The following KCNN3 variants were observed in gnomAD, a reference collection of about 807,000 sequenced individuals.
KCNN3 encodes potassium calcium-activated channel subfamily N member 3, also known as small conductance calcium-activated potassium channel protein 3.
KCNN3 carries 16 observed loss-of-function variants against 62.9 expected under a neutral mutation model. The observed-to-expected ratio is 0.25, with a 90% CI of 0.17 to 0.39. The LOEUF is 0.39. Ranked by LOEUF, KCNN3 falls within the 10% of genes least tolerant of loss-of-function variation. The pLI, the probability that KCNN3 is intolerant of heterozygous loss-of-function variation, is 1.00. For missense variants in KCNN3, 599 were observed against 949.4 expected (o/e 0.63, Z 4.85); for synonymous variants, 370 against 389.2 (o/e 0.95, Z 0.58).
At position 154,833,550 on chromosome 1, in the gene KCNN3, A is replaced by T. The variant is rs565815320; in HGVS notation, c.934-11366T>A. Among the ~76,000 whole-genome samples the T allele has an allele frequency of 5.3e-5, 8 of 152,280 alleles. No homozygotes were observed. In the South Asian group the frequency reaches 1.4e-3, roughly 28 times the overall value. On this transcript the variant is annotated intron_variant, in intron 1 of 7. Coordinates refer to ENST00000271915, the MANE Select transcript of KCNN3 (RefSeq NM_002249.6). ...TCGACTTAGCTGGAAGAGGCCTTCTAAGCCATCAAGTCTGACTCCCCGATT... is the reference window on the plus strand; with the variant it reads ...TCGACTTAGCTGGAAGAGGCCTTCTTAGCCATCAAGTCTGACTCCCCGATT...
At chr1:154,775,719 C>T (rs1648761436) in intron 2 of KCNN3, among the ~76,000 whole-genome samples, 1 of 152,104 alleles carries the variant, frequency 6.6e-6, no homozygotes, top group Non-Finnish European at 1.5e-5. Flanking sequence ...GAGACTCACC[C>T]TCCTCCTTCC....
intron 1 of KCNN3, among the ~76,000 whole-genome samples, chr1:154,864,183 C>T (rs1200531330): frequency 1.3e-5 from 2 of 152,226 alleles, no homozygotes; most frequent in African/African-American, 4.8e-5. Context: ...CTGCAGGTCA[C>T]CCCACAGGGA....
intron 2 of KCNN3, among the ~76,000 whole-genome samples, chr1:154,819,690 A>T (rs1384557013): frequency 6.6e-6 from 1 of 152,140 alleles, no homozygotes. Context: ...CAAGTGACGG[A>T]GGCTGCAGGG....
chr1:154,828,851 C>A (rs962518293), intron 1 of KCNN3, among the ~76,000 whole-genome samples: 1 of 152,198 alleles, frequency 6.6e-6, no homozygotes, highest in Non-Finnish European at 1.5e-5. Flanking sequence ...CATTTTATGG[C>A]TGCAATAATT....
chr1:154,806,220 G>A (rs778905131), intron 2 of KCNN3, among the ~76,000 whole-genome samples: 6 of 152,210 alleles, frequency 3.9e-5, no homozygotes, highest in Non-Finnish European at 7.3e-5. Flanking sequence ...TGTCAGCAAG[G>A]ACTTTGGAGA....
intron 1 of KCNN3, among the ~76,000 whole-genome samples, chr1:154,839,213 T>G (rs1316568331): frequency 1.3e-5 from 2 of 152,078 alleles, no homozygotes; most frequent in African/African-American, 4.8e-5. Flanking sequence ...CACCATCGAG[T>G]GACCTGCGAT....
At position 154,822,326 on chromosome 1, in the gene KCNN3, G is replaced by C. The variant is rs1226073363; in HGVS notation, c.934-142C>G. The C allele has an allele frequency of 9.5e-5, 68 of 715,204 alleles. 1 individual carries two copies. In the South Asian group the frequency reaches 1.1e-3, roughly 11 times the overall value. 44.3% of individuals were successfully genotyped at this position (715,204 alleles called of 1,614,324 possible). On this transcript the variant is annotated intron_variant, in intron 1 of 7. Coordinates refer to ENST00000271915, the MANE Select transcript of KCNN3 (RefSeq NM_002249.6). ...CTCCTAGGAGCAGGTGTAGCACAAA[G>C]TCAGCCTGAGCCCCACAAAAGCCTT...
chr1:154,846,999 G>A (rs568064842), intron 1 of KCNN3, among the ~76,000 whole-genome samples: 106 of 152,174 alleles, frequency 7.0e-4, no homozygotes, highest in African/African-American at 2.5e-3. Flanking sequence ...GCTAGTAAGC[G>A]GCAGAGCCAG....
intron 3 of KCNN3, among the ~76,000 whole-genome samples, chr1:154,770,627 C>T (rs1648511914): frequency 6.6e-6 from 1 of 152,216 alleles, no homozygotes; most frequent in Admixed American, 6.5e-5. Context: ...CATTCTATCT[C>T]AAGTGATCCT....
intron 1 of KCNN3, among the ~76,000 whole-genome samples, chr1:154,828,851 C>T (rs962518293): frequency 7.2e-5 from 11 of 152,316 alleles, no homozygotes; most frequent in African/African-American, 2.6e-4. Context: ...CATTTTATGG[C>T]TGCAATAATT....
chr1:154,869,723 GGCTGCT>G lies in KCNN3; in HGVS notation c.236_241del (p.Gln79_Gln80del), dbSNP rs3831942. On this transcript the variant is annotated inframe_deletion, in exon 1 of 8. Transcript: ENST00000271915. The surrounding 1 kb of genome is among the most constrained non-coding windows in gnomAD (Gnocchi z 6.1). ...GGCGAGCTGAGACAGGGGATGCGGT[GGCTGCT>G]GCTGCTGCTGCTGCTGCTGCTGCTG... is the stretch of plus-strand genomic sequence containing the variant. The G allele has an allele frequency of 3.2e-3, 4,749 of 1,504,596 alleles. 42 individuals are homozygous for G. In the African/African-American group the frequency reaches 0.042, roughly 13 times the overall value. The allele number at this position is 1,504,596 out of a possible 1,614,324, so 93.2% of individuals were successfully genotyped here. A position where few individuals can be genotyped will look rare whatever the true frequency, so the allele number is the denominator to read the frequency against.
rs114760689 is a variant in KCNN3 at position 154,744,260 on chromosome 1, C to A, written c.1449-11116G>T. Among the ~76,000 whole-genome samples, 464 of 152,370 alleles carry A rather than the reference C, an allele frequency of 3.0e-3. 3 individuals are homozygous for A. The highest frequency in any genetic ancestry group is 0.01 in the African/African-American group (419 of 41,582). On this transcript the variant is annotated intron_variant, in intron 3 of 7. Coordinates refer to ENST00000271915, the MANE Select transcript of KCNN3 (RefSeq NM_002249.6). Reference sequence around the variant, plus strand: ...GAATGAATGAATGGCTCCACTTCGTCTTTCTCACAAGCCAGTGGGACAAGA... The same window carrying A: ...GAATGAATGAATGGCTCCACTTCGTATTTCTCACAAGCCAGTGGGACAAGA...
chr1:154,804,331 A>G (rs1650074788), intron 2 of KCNN3, among the ~76,000 whole-genome samples: 1 of 152,266 alleles, frequency 6.6e-6, no homozygotes, highest in Non-Finnish European at 1.5e-5. Context: ...AGCTTCGCAA[A>G]TGCGGATGGA....
At chr1:154,830,795 G>A (rs1651350092) in intron 1 of KCNN3, among the ~76,000 whole-genome samples, 1 of 152,114 alleles carries the variant, frequency 6.6e-6, no homozygotes, top group African/African-American at 2.4e-5. Context: ...CCAATTAAGA[G>A]AAAATGATCC....
intron 1 of KCNN3, among the ~76,000 whole-genome samples, chr1:154,848,236 C>T (rs533258994): frequency 8.0e-4 from 121 of 152,130 alleles, no homozygotes; most frequent in African/African-American, 2.8e-3. Flanking sequence ...AGCAATGTGG[C>T]GAGTGGGCCA....
At chr1:154,745,466 G>A (rs1254851973) in intron 3 of KCNN3, among the ~76,000 whole-genome samples, 21 of 152,200 alleles carry the variant, frequency 1.4e-4, no homozygotes, top group Admixed American at 1.4e-3. Context: ...TGGAAGAGGT[G>A]GGACAGCTGG....
intron 3 of KCNN3, among the ~76,000 whole-genome samples, chr1:154,744,409 T>C (rs544177546): frequency 6.6e-6 from 1 of 152,220 alleles, no homozygotes; most frequent in Non-Finnish European, 1.5e-5. Context: ...CCTGTATTTT[T>C]TCGGCTGCTA....
intron 2 of KCNN3, among the ~76,000 whole-genome samples, chr1:154,807,303 T>C (rs1419315822): frequency 6.6e-6 from 1 of 152,178 alleles, no homozygotes; most frequent in Non-Finnish European, 1.5e-5. Context: ...CTCGAGCCCG[T>C]AACCCAACAG....
At chr1:154,742,070 C>T (rs542853635) in intron 3 of KCNN3, among the ~76,000 whole-genome samples, 6 of 152,360 alleles carry the variant, frequency 3.9e-5, no homozygotes, top group East Asian at 3.9e-4. Context: ...GCTTTCCTCC[C>T]GCCTTCGACT....
Sources: allele counts gnomAD v4.1 joint callset (sites outside exome capture counted in the v4.1 genomes callset), GRCh38; gene constraint gnomAD v4.1.1; non-coding constraint Gnocchi (gnomAD v3.1); transcripts MANE v1.5; gene names NCBI Gene and HGNC (gene_info 2026-07-23, HGNC 2026-07-21).